CPNE8: variants seen among roughly 807,000 people sequenced by gnomAD.
CPNE8 encodes copine-8.
In CPNE8, 45 loss-of-function variants were observed where a neutral mutation model predicts 81.5. The observed-to-expected ratio is 0.55, with a 90% CI of 0.44 to 0.71. The LOEUF is 0.71. Ranked by LOEUF, CPNE8 falls within the 30% of genes least tolerant of loss-of-function variation. The probability of loss-of-function intolerance (pLI) is 0.00; values close to 1 mark genes in which losing one functional copy is unlikely to be tolerated. For missense variants in CPNE8, 594 were observed against 672.1 expected, an observed-to-expected ratio of 0.88 and a Z score of 1.28; for synonymous variants, 252 against 226.3, an observed-to-expected ratio of 1.11 and a Z score of -1.02.
At chr12:38,673,704 A>G (rs1592001488) in intron 18 of CPNE8, among the ~76,000 whole-genome samples, 1 of 152,086 alleles carries the variant, frequency 6.6e-6, no homozygotes, top group Admixed American at 6.6e-5. Context: ...ATTTCACTCT[A>G]ACTTCTGGGA....
At chr12:38,717,447 A>G (rs1405249613) in intron 13 of CPNE8, among the ~76,000 whole-genome samples, 1 of 137,826 alleles carries the variant, frequency 7.3e-6, no homozygotes, top group Admixed American at 7.2e-5. Flanking sequence ...ATATATATAT[A>G]TATATATATA....
At chr12:38,727,333 G>A (rs1386128640) in intron 11 of CPNE8, among the ~76,000 whole-genome samples, 1 of 152,152 alleles carries the variant, frequency 6.6e-6, no homozygotes, top group Non-Finnish European at 1.5e-5. Flanking sequence ...AGCCATTGGA[G>A]GGGACAGAAT....
At chr12:38,679,667 T>G (rs1035047723) in intron 16 of CPNE8, 8 of 984,944 alleles carry the variant, frequency 8.1e-6, no homozygotes, top group Non-Finnish European at 9.6e-6. Context: ...GTTGCTTCTT[T>G]GGCACTTGTT....
chr12:38,695,942 A>AAAAC (rs1939785443), intron 14 of CPNE8, among the ~76,000 whole-genome samples: 2 of 152,142 alleles, frequency 1.3e-5, no homozygotes, highest in Non-Finnish European at 2.9e-5. Flanking sequence ...CCCTGTCTCA[A>AAAAC]AAACAAACAC....
intron 3 of CPNE8, among the ~76,000 whole-genome samples, chr12:38,854,337 T>C (rs1592138690): frequency 6.6e-6 from 1 of 151,838 alleles, no homozygotes; most frequent in Admixed American, 6.5e-5. Flanking sequence ...ATATAACTCA[T>C]TATCCGAGGC....
rs540566612 is a variant in CPNE8 at position 38,810,345 on chromosome 12, A to G, written c.407+19034T>C. On this transcript the variant is annotated intron_variant, in intron 6 of 19. Transcript: ENST00000331366. ...AGAGATCACATATTCAGTCTTTTCA[A>G]AGAGCCTTTTGTGCAACTGAATATT... Among the ~76,000 whole-genome samples, 3 of 152,246 alleles carry G rather than the reference A, an allele frequency of 2.0e-5. No homozygotes were observed. In the South Asian group the frequency reaches 6.2e-4, roughly 32 times the overall value.
intron 6 of CPNE8, among the ~76,000 whole-genome samples, chr12:38,826,850 C>T (rs1358016759): frequency 6.6e-6 from 1 of 151,066 alleles, no homozygotes; most frequent in Non-Finnish European, 1.5e-5. Context: ...TAAAAATTTC[C>T]AATAAAATTA....
At chr12:38,676,495 A>G (rs1939292905) in intron 17 of CPNE8, among the ~76,000 whole-genome samples, 1 of 152,204 alleles carries the variant, frequency 6.6e-6, no homozygotes, top group African/African-American at 2.4e-5. Context: ...TTCATAAAAT[A>G]GTAGTAGTAC....
intron 19 of CPNE8, among the ~76,000 whole-genome samples, chr12:38,661,913 ATG>A: frequency 6.6e-6 from 1 of 150,996 alleles, no homozygotes; most frequent in Non-Finnish European, 1.5e-5. Flanking sequence ...AAAAAAACAC[ATG>A]ATCTCGATAG....
chr12:38,704,422 A>G (rs1940034675), intron 13 of CPNE8, among the ~76,000 whole-genome samples: 1 of 152,124 alleles, frequency 6.6e-6, no homozygotes, highest in Non-Finnish European at 1.5e-5. Context: ...ATAAATACAG[A>G]TATATACTGA....
At position 38,693,640 on chromosome 12, in the gene CPNE8, T is replaced by C. The variant is rs996327829; in HGVS notation, c.1143+17A>G. The C allele has an allele frequency of 1.3e-6, 2 of 1,597,244 alleles. No homozygotes were observed. Among genetic ancestry groups the C allele is most frequent in the South Asian group, 1.1e-5 (1 of 87,876 alleles). ...ATTAATTTTTCAAAACATCAAATCC[T>C]TTTGACAAATTCTTACCAAAGCAAA... On this transcript the variant is annotated intron_variant, in intron 15 of 19. Transcript: ENST00000331366.
intron 7 of CPNE8, among the ~76,000 whole-genome samples, chr12:38,772,499 C>A (rs1360962623): frequency 6.6e-6 from 1 of 152,024 alleles, no homozygotes. Flanking sequence ...TACAAATGAC[C>A]AACACACATA....
intron 6 of CPNE8, among the ~76,000 whole-genome samples, chr12:38,820,190 A>G (rs1439977799): frequency 2.0e-5 from 3 of 152,204 alleles, no homozygotes; most frequent in Non-Finnish European, 4.4e-5. Flanking sequence ...GGGGATCACA[A>G]GATCAGGAGT....
intron 11 of CPNE8, among the ~76,000 whole-genome samples, chr12:38,726,141 C>T (rs1296701366): frequency 6.6e-6 from 1 of 151,756 alleles, no homozygotes; most frequent in African/African-American, 2.4e-5. Flanking sequence ...GGTTGGGGAC[C>T]CCTGGTCTAC....
At chr12:38,839,752 C>A (rs945308047) in intron 5 of CPNE8, among the ~76,000 whole-genome samples, 164 bp downstream of exon 5, 1 of 152,044 alleles carries the variant, frequency 6.6e-6, no homozygotes, top group African/African-American at 2.4e-5. Flanking sequence ...TTAATAAGCT[C>A]CTCCAAAATG....
intron 6 of CPNE8, among the ~76,000 whole-genome samples, chr12:38,783,472 G>A (rs1347415596): frequency 6.6e-6 from 1 of 152,132 alleles, no homozygotes; most frequent in Non-Finnish European, 1.5e-5. Flanking sequence ...CTGGGGAGAG[G>A]GGAGTGCAGC....
chr12:38,704,737 T>C (rs1940046951), intron 13 of CPNE8, among the ~76,000 whole-genome samples: 1 of 150,802 alleles, frequency 6.6e-6, no homozygotes, highest in African/African-American at 2.4e-5. Flanking sequence ...CTTTTCTTTC[T>C]ACTAAATGTG....
rs371287577 is a variant in CPNE8, at chr12:38,760,459, GTA to G, written c.722+386_722+387del. 3.2e-3 allele frequency among the ~76,000 whole-genome samples: 66 copies of G among 20,842 alleles called. 1 individual carries two copies. Among genetic ancestry groups the G allele is most frequent in the African/African-American group, 0.01 (61 of 6,040 alleles). The allele number at this position is 20,842 out of a possible 152,430, so 13.7% of individuals were successfully genotyped here. Reference sequence around the variant, plus strand: ...TGTATATATATATATATATGTGTGTGTATATAGGCAGAGTTGGCTGGTGAATG... The same window carrying G: ...TGTATATATATATATATATGTGTGTGTATAGGCAGAGTTGGCTGGTGAATG... On this transcript the variant is annotated intron_variant, in intron 10 of 19. Coordinates refer to ENST00000331366, the MANE Select transcript of CPNE8 (RefSeq NM_153634.3).
At chr12:38,665,312 T>C (rs144182513) in intron 19 of CPNE8, among the ~76,000 whole-genome samples, 1 of 152,312 alleles carries the variant, frequency 6.6e-6, no homozygotes, top group East Asian at 1.9e-4. Flanking sequence ...TTATAATATT[T>C]AGTTTAGAAG....
Sources: gnomAD v4.1 joint callset for allele counts (sites outside exome capture counted in the v4.1 genomes callset) on GRCh38, gnomAD v4.1.1 for gene constraint, MANE v1.5 for transcripts, NCBI Gene and HGNC (gene_info 2026-07-23, HGNC 2026-07-21) for gene names.